The following MMP26 variants were observed in gnomAD, a reference collection of about 807,000 sequenced individuals.
MMP26 encodes matrix metalloproteinase-26.
MMP26 carries 33 observed loss-of-function variants against 31.0 expected under a neutral mutation model. The ratio of observed to expected loss-of-function variants is 1.06; its 90% CI spans 0.81 to 1.42. The LOEUF is 1.42. MMP26 is among the 40% of genes most tolerant of loss of function. The pLI, the probability that MMP26 is intolerant of heterozygous loss-of-function variation, is 0.00. For missense variants in MMP26, 347 were observed against 316.1 expected, an observed-to-expected ratio of 1.10 and a Z score of -0.74; for synonymous variants, 122 against 114.9, an observed-to-expected ratio of 1.06 and a Z score of -0.40.
chr11:4,769,534 G>C (rs1848683067), intron 2 of MMP26: 1 of 1,613,764 alleles, frequency 6.2e-7, no homozygotes, highest in Non-Finnish European at 8.5e-7. Flanking sequence ...GAGGGTCACA[G>C]ATGGCCACAT....
chr11:4,867,279 G>A (rs1289868075), intron 2 of MMP26, among the ~76,000 whole-genome samples: 1 of 150,774 alleles, frequency 6.6e-6, no homozygotes, highest in Non-Finnish European at 1.5e-5. Context: ...CAAAGGACAT[G>A]AACAGACATG....
chr11:4,814,558 A>G (rs947081757), intron 2 of MMP26, among the ~76,000 whole-genome samples: 1 of 152,228 alleles, frequency 6.6e-6, no homozygotes, highest in Non-Finnish European at 1.5e-5. Flanking sequence ...CCCAGTAAAA[A>G]TCGTTTCGGT....
chr11:4,922,288 A>C (rs537115235), intron 2 of MMP26, among the ~76,000 whole-genome samples: 1 of 152,338 alleles, frequency 6.6e-6, no homozygotes, highest in East Asian at 1.9e-4. Context: ...TCTGGAATCT[A>C]GAGTCAAGAC....
rs1589949474 is a variant in MMP26 at position 4,954,374 on chromosome 11, A to G, written c.-144-33694A>G. On this transcript the variant is annotated intron_variant, in intron 2 of 7. Transcript: ENST00000380390. ...TTAAAAAAGATGGTGACATACTAACATGATTAAAATGGATAGAGAGACAGA... is the reference window on the plus strand; with the variant it reads ...TTAAAAAAGATGGTGACATACTAACGTGATTAAAATGGATAGAGAGACAGA... 1.6e-5 allele frequency among the ~76,000 whole-genome samples: 2 copies of G among 125,700 alleles called. 1 individual carries two copies. The highest frequency in any genetic ancestry group is 4.5e-4 in the East Asian group (2 of 4,420). 82.5% of individuals were successfully genotyped at this position (125,700 alleles called of 152,430 possible).
chr11:4,785,660 G>C (rs1034732060), intron 2 of MMP26, among the ~76,000 whole-genome samples: 2 of 152,040 alleles, frequency 1.3e-5, no homozygotes, highest in South Asian at 4.2e-4. Context: ...AAAACCTTCA[G>C]CCCAAATATT....
intron 2 of MMP26, among the ~76,000 whole-genome samples, chr11:4,895,230 A>G (rs958177383): frequency 6.6e-6 from 1 of 150,382 alleles, no homozygotes; most frequent in African/African-American, 2.4e-5. Flanking sequence ...AATTCTTTAT[A>G]TACATCATTA....
At chr11:4,961,400 T>C (rs1846518967) in intron 2 of MMP26, among the ~76,000 whole-genome samples, 1 of 152,128 alleles carries the variant, frequency 6.6e-6, no homozygotes, top group South Asian at 2.1e-4. Flanking sequence ...TCCCACCCAG[T>C]CCTCTTACAC....
chr11:4,902,304 C>T (rs1850814832), intron 2 of MMP26, among the ~76,000 whole-genome samples: 1 of 147,482 alleles, frequency 6.8e-6, no homozygotes. Flanking sequence ...ATGAATCCAA[C>T]TCTAGAATTT....
At chr11:4,806,097 T>C (rs1849265700) in intron 2 of MMP26, among the ~76,000 whole-genome samples, 1 of 152,222 alleles carries the variant, frequency 6.6e-6, no homozygotes. Context: ...GCCTTATCTT[T>C]TCCTAAATTT....
At chr11:4,729,775 A>G (rs1443739652) in intron 1 of MMP26, among the ~76,000 whole-genome samples, 2 of 152,098 alleles carry the variant, frequency 1.3e-5, no homozygotes, top group African/African-American at 4.8e-5. Context: ...TCAAAAGTGC[A>G]AATGAGAAAG....
At chr11:4,798,716 A>C (rs1172389573) in intron 2 of MMP26, among the ~76,000 whole-genome samples, 1 of 152,214 alleles carries the variant, frequency 6.6e-6, no homozygotes, top group Non-Finnish European at 1.5e-5. Flanking sequence ...CTGTGGGAGC[A>C]CAGAGATGGG....
intron 2 of MMP26, among the ~76,000 whole-genome samples, chr11:4,899,539 C>T (rs1850771245): frequency 6.6e-6 from 1 of 152,072 alleles, no homozygotes; most frequent in South Asian, 2.1e-4. Context: ...ATAGAATGAC[C>T]TTTTCAGGCT....
chr11:4,882,415 G>A (rs1457219163), intron 2 of MMP26: 1 of 1,613,596 alleles, frequency 6.2e-7, no homozygotes, highest in African/African-American at 1.3e-5. Context: ...CTTTTCATGG[G>A]GGTCACGAGC....
intron 2 of MMP26, chr11:4,944,072 G>C (rs547462531): frequency 9.4e-5 from 42 of 448,950 alleles, no homozygotes; most frequent in Middle Eastern, 6.6e-4. Context: ...CTACTGCTTG[G>C]TTGTACTACA....
chr11:4,781,548 C>T (rs1050505856), intron 2 of MMP26, among the ~76,000 whole-genome samples: 2 of 34,488 alleles, frequency 5.8e-5, no homozygotes, highest in African/African-American at 3.3e-4. Context: ...AGCGAGACTC[C>T]GTCTCAAAAA....
chr11:4,919,464 C>T (rs1851149452), intron 2 of MMP26: 1 of 152,152 alleles, frequency 6.6e-6, no homozygotes. Context: ...GCAGGCCTGG[C>T]TCCCTGGACC....
chr11:4,938,096 T>A (rs1052787458), intron 2 of MMP26: 1 of 152,108 alleles, frequency 6.6e-6, no homozygotes, highest in African/African-American at 2.4e-5. Flanking sequence ...ATGGAGAGCA[T>A]GGAAAGCAAA....
rs1386704288 is a variant in MMP26 at position 4,988,115 on chromosome 11, C to T, written c.-97C>T. ...CAGATTCAAAGAAAGGGCAAACTGG[C>T]AGAGTGAGTCATTGGATGTTGCTGG... On this transcript the variant is annotated 5_prime_UTR_variant, in exon 3 of 8. The change creates a premature stop within an existing upstream ORF in the 5' untranslated region. Coordinates refer to ENST00000380390, the MANE Select transcript of MMP26 (RefSeq NM_021801.5). The T allele has an allele frequency of 2.8e-6, 3 of 1,070,052 alleles. No homozygotes were observed. The highest frequency in any genetic ancestry group is 4.4e-6 in the Non-Finnish European group (3 of 685,756). The allele number at this position is 1,070,052 out of a possible 1,614,324, so 66.3% of individuals were successfully genotyped here.
intron 2 of MMP26, among the ~76,000 whole-genome samples, chr11:4,957,931 C>T (rs942278982): frequency 6.6e-6 from 1 of 152,138 alleles, no homozygotes; most frequent in African/African-American, 2.4e-5. Flanking sequence ...CCGCTTGCTT[C>T]AGCCTCCCAG....
Sources: gnomAD v4.1 joint callset for allele counts (sites outside exome capture counted in the v4.1 genomes callset) on GRCh38, gnomAD v4.1.1 for gene constraint, MANE v1.5 for transcripts, NCBI Gene and HGNC (gene_info 2026-07-23, HGNC 2026-07-21) for gene names.